Variants in CD27 observed in about 807,000 individuals in gnomAD.
CD27 encodes CD27 molecule, also known as CD27 antigen.
A neutral mutation model predicts 25.9 loss-of-function variants in CD27; 16 were observed. The ratio of observed to expected loss-of-function variants is 0.62; its 90% confidence interval spans 0.42 to 0.94. The LOEUF (loss-of-function observed/expected upper bound fraction) is 0.94. CD27 is among the 40% of genes least tolerant of loss of function. CD27 has a pLI of 0.00. For synonymous variants in CD27, 142 were observed against 124.3 expected (o/e 1.14, Z -0.95); for missense variants, 300 against 333.2 (o/e 0.90, Z 0.78).
At chr12:6,449,999 C>T (rs1949492202) in intron 2 of CD27, among the ~76,000 whole-genome samples, 174 bp from the exon 3 acceptor site, 1 of 152,036 alleles carries the variant, frequency 6.6e-6, no homozygotes, top group African/African-American at 2.4e-5. Flanking sequence ...ATAATAATGG[C>T]AAAGGCATTG....
rs535939434 is a variant in CD27, at chr12:6,451,150, C to T, written c.659-118C>T. On this transcript the variant is annotated intron_variant, in intron 5 of 5. Transcript: ENST00000266557. The stretch of plus-strand genomic sequence containing the variant: ...AGCCTTGGTCCTACCCCTTCTCTCC[C>T]CTTAGCTGGCGTGCTCCTGACACCC... 4.1e-3 allele frequency: 6,190 copies of T among 1,527,414 alleles called. 19 individuals carry two copies. The highest frequency in any genetic ancestry group is 5.1e-3 in the Non-Finnish European group (5,696 of 1,115,840). The allele number at this position is 1,527,414 out of a possible 1,614,324, so 94.6% of individuals were successfully genotyped here.
At chr12:6,444,934 C>A (rs1261031461), upstream of CD27, 9 of 680,876 alleles carry the variant, frequency 1.3e-5, no homozygotes, top group East Asian at 3.1e-5. Flanking sequence ...AAAAAAAAAA[C>A]AGCCACAATA....
At chr12:6,448,601 T>TA (rs11569384) in intron 2 of CD27, 1 of 152,072 alleles carries the variant, frequency 6.6e-6, no homozygotes, top group Non-Finnish European at 1.5e-5. Context: ...CCGTCTCTAC[T>TA]AAAAATACAA....
In CD27 at chr12:6,444,972, C is replaced by A; in HGVS notation, c.-124C>A. ...GATTCTGCCTTCAAAGGTTGGCTTG[C>A]CACCTGAAGCAGCCACTGCCCAGGG... On this transcript the variant is annotated 5_prime_UTR_variant, in exon 1 of 6. Coordinates refer to ENST00000266557, the MANE Select transcript of CD27 (RefSeq NM_001242.5). 2 of 1,116,194 alleles carry A rather than the reference C, an allele frequency of 1.8e-6. No individual in the cohort carries two copies. The highest frequency in any genetic ancestry group is 2.5e-6 in the Non-Finnish European group (2 of 816,106). The allele number at this position is 1,116,194 out of a possible 1,614,324, so 69.1% of individuals were successfully genotyped here.
chr12:6,445,647 C>T lies in CD27; in HGVS notation c.268+92C>T, dbSNP rs553750090. ...GGGTTTGGGGGTGCAAGGAGGATGA[C>T]GGGGCCAAAGCTTTGGCCTTCTTCA... On this transcript the variant is annotated intron_variant, in intron 2 of 5. Transcript: ENST00000266557. This position sits in a 1 kb window ranked among gnomAD's most constrained non-coding sequence, Gnocchi z 4.5. The T allele has an allele frequency of 3.5e-5, 52 of 1,480,378 alleles. No individual in the cohort carries two copies. Among genetic ancestry groups the T allele is most frequent in the South Asian group, 2.7e-4 (21 of 78,340 alleles). The allele number at this position is 1,480,378 out of a possible 1,614,324, so 91.7% of individuals were successfully genotyped here.
chr12:6,450,949 G>C lies in CD27; in HGVS notation c.593G>C (p.Gly198Ala), dbSNP rs1355182112. ...DFIRILVIFSGMFLVFTLAGA... is the reference protein window; with the variant it reads ...DFIRILVIFSAMFLVFTLAGA... ...ATTCGCATCCTTGTGATCTTCTCTGGAATGTTCCTTGTTTTCACCCTGGCC... is the reference window on the plus strand; with the variant it reads ...ATTCGCATCCTTGTGATCTTCTCTGCAATGTTCCTTGTTTTCACCCTGGCC... The change falls in exon 5 of 6, where the codon GGA becomes GCA. Residue 198 changes from glycine (G) to alanine (A), a missense_variant. By Grantham distance (60) the Gly-to-Ala change is moderately conservative. Coordinates refer to ENST00000266557, the MANE Select transcript of CD27 (RefSeq NM_001242.5). This position sits in a 1 kb window ranked among gnomAD's most constrained non-coding sequence, Gnocchi z 4.1. 3 of 1,614,132 alleles carry C rather than the reference G, an allele frequency of 1.9e-6. No individual in the cohort carries two copies. The highest frequency in any genetic ancestry group is 2.5e-6 in the Non-Finnish European group (3 of 1,180,000).
At chr12:6,448,718 T>C (rs1671258031) in intron 2 of CD27, 1 of 152,160 alleles carries the variant, frequency 6.6e-6, no homozygotes, top group Non-Finnish European at 1.5e-5. Flanking sequence ...TGAGCCGAGA[T>C]CGTGCCACTG....
At chr12:6,449,145 C>T (rs1008939781) in intron 2 of CD27, among the ~76,000 whole-genome samples, 19 of 151,580 alleles carry the variant, frequency 1.3e-4, no homozygotes, top group Middle Eastern at 6.8e-3. Context: ...TACAGGTGTG[C>T]ACCACCACAC....
chr12:6,449,856 A>C (rs1370060025), intron 2 of CD27, among the ~76,000 whole-genome samples: 1 of 152,136 alleles, frequency 6.6e-6, no homozygotes, highest in Non-Finnish European at 1.5e-5. Context: ...ATCTCAAAAA[A>C]ATAAATAAAA....
In CD27 at chr12:6,444,993, CA is replaced by C; in HGVS notation, c.-102del. On this transcript the variant is annotated 5_prime_UTR_variant, in exon 1 of 6. Coordinates refer to ENST00000266557, the MANE Select transcript of CD27 (RefSeq NM_001242.5). ...CTTGCCACCTGAAGCAGCCACTGCC[CA>C]GGGGGTGCAAAGAAGAGACAGCAGC... 7.5e-7 allele frequency: 1 copy of C among 1,328,606 alleles called. No homozygotes were observed. The highest frequency in any genetic ancestry group is 2.6e-5 in the East Asian group (1 of 38,442). 82.3% of individuals were successfully genotyped at this position (1,328,606 alleles called of 1,614,324 possible). A position where few individuals can be genotyped will look rare whatever the true frequency, so the allele number is the denominator to read the frequency against.
chr12:6,445,356 G>C lies in CD27; in HGVS notation c.137-68G>C. The stretch of plus-strand genomic sequence containing the variant: ...GAGGGAAATCCTGCAGCTGTGGGGA[G>C]GCACCACCTTGAAGAGGGCAGAGAA... On this transcript the variant is annotated intron_variant, in intron 1 of 5. Transcript: ENST00000266557. The surrounding 1 kb of genome is among the most constrained non-coding windows in gnomAD (Gnocchi z 4.5). The C allele has an allele frequency of 6.2e-7, 1 of 1,609,344 alleles. No individual in the cohort carries two copies. Among genetic ancestry groups the C allele is most frequent in the South Asian group, 1.1e-5 (1 of 90,842 alleles).
rs866081455 is a variant in CD27, at chr12:6,445,364, C to T, written c.137-60C>T. ...TCCTGCAGCTGTGGGGAGGCACCAC[C>T]TTGAAGAGGGCAGAGAACCAGCCCT... On this transcript the variant is annotated intron_variant, in intron 1 of 5. Transcript: ENST00000266557. The surrounding 1 kb of genome is among the most constrained non-coding windows in gnomAD (Gnocchi z 4.5). 15 of 1,611,532 alleles carry T rather than the reference C, an allele frequency of 9.3e-6. No homozygotes were observed. Among genetic ancestry groups the T allele is most frequent in the Middle Eastern group, 3.3e-4 (2 of 6,028 alleles).
At chr12:6,451,148 C>T in intron 5 of CD27, 120 bp from the exon 6 acceptor site, 2 of 1,527,388 alleles carry the variant, frequency 1.3e-6, no homozygotes, top group South Asian at 1.2e-5. Flanking sequence ...CCCCTTCTCT[C>T]CCCTTAGCTG....
chr12:6,449,494 T>G (rs186174389), intron 2 of CD27, among the ~76,000 whole-genome samples: 6 of 152,176 alleles, frequency 3.9e-5, no homozygotes, highest in African/African-American at 7.2e-5. Flanking sequence ...TTGTACAAAT[T>G]CTTAAGCTTT....
intron 2 of CD27, chr12:6,447,478 C>T (rs1949433590): frequency 6.6e-6 from 1 of 152,098 alleles, no homozygotes; most frequent in African/African-American, 2.4e-5. Flanking sequence ...ATGAGCTCGG[C>T]CCTCTCTGGG....
Position 6,450,637 on chromosome 12 carries a change from T to C in CD27, c.538+7T>C, listed in dbSNP as rs2136969474. ...CTCTCTACCCACTGGCCACGTGAGT[T>C]TTCTCCTTAATCCCCACCGCTAGAG... On this transcript the variant is annotated splice_region_variant and intron_variant, in intron 4 of 5. Coordinates refer to ENST00000266557, the MANE Select transcript of CD27 (RefSeq NM_001242.5). The surrounding 1 kb of genome is among the most constrained non-coding windows in gnomAD (Gnocchi z 4.1). 1 of 1,610,304 alleles carries C rather than the reference T, an allele frequency of 6.2e-7. No homozygotes were observed. Among genetic ancestry groups the C allele is most frequent in the South Asian group, 1.1e-5 (1 of 91,064 alleles).
In CD27 at chr12:6,451,677, C is replaced by A. The variant is rs1474899584; in HGVS notation, c.*285C>A. 3 of 389,712 alleles carry A rather than the reference C, an allele frequency of 7.7e-6. No homozygotes were observed. The highest frequency in any genetic ancestry group is 1.4e-5 in the Non-Finnish European group (3 of 215,020). The allele number at this position is 389,712 out of a possible 1,614,324, so 24.1% of individuals were successfully genotyped here. On this transcript the variant is annotated 3_prime_UTR_variant, in exon 6 of 6. Coordinates refer to ENST00000266557, the MANE Select transcript of CD27 (RefSeq NM_001242.5). ...CTTCCTGCTGCGAAAGACCCACATG[C>A]TACAAGACGGGCAAAATAAAGTGAC...
Position 6,451,324 on chromosome 12 carries a change from G to C in CD27, c.715G>C (p.Glu239Gln), listed in dbSNP as rs1285788292. Residue 239 changes from glutamate to glutamine, a missense_variant, in exon 6 of 6, where the codon GAG (glutamate) becomes CAG (glutamine). Glu to Gln is a conservative substitution (Grantham distance 29, BLOSUM62 2). Transcript: ENST00000266557. The part of the protein sequence containing the change: ...AEPCHYSCPR[E>Q]EEGSTIPIQE... ...GCCTTGTCATTACAGCTGCCCCAGGGAGGAGGAGGGCAGCACCATCCCCAT... is the reference window on the plus strand; with the variant it reads ...GCCTTGTCATTACAGCTGCCCCAGGCAGGAGGAGGGCAGCACCATCCCCAT... The C allele has an allele frequency of 6.2e-7, 1 of 1,613,220 alleles. No homozygotes were observed. The highest frequency in any genetic ancestry group is 8.5e-7 in the Non-Finnish European group (1 of 1,179,358).
chr12:6,449,179 T>C (rs1949471611), intron 2 of CD27, among the ~76,000 whole-genome samples: 2 of 152,078 alleles, frequency 1.3e-5, no homozygotes, highest in South Asian at 2.1e-4. Flanking sequence ...GTATTTTTTG[T>C]AGAGACGGGG....
Sources: gnomAD v4.1 joint callset for allele counts (sites outside exome capture counted in the v4.1 genomes callset) on GRCh38, gnomAD v4.1.1 for gene constraint, Gnocchi (gnomAD v3.1) non-coding constraint, MANE v1.5 for transcripts, NCBI Gene and HGNC (gene_info 2026-07-23, HGNC 2026-07-21) for gene names.